Variants in ATP5F1C observed in about 807,000 individuals in gnomAD.
The protein encoded by ATP5F1C is ATP synthase F(1) complex subunit gamma, mitochondrial.
Under a neutral mutation model 37.4 loss-of-function variants are expected in ATP5F1C, and 22 were observed. The observed-to-expected ratio is 0.59, with a 90% confidence interval of 0.42 to 0.84. ATP5F1C has a LOEUF of 0.84. ATP5F1C is among the 40% of genes least tolerant of loss of function. The probability of loss-of-function intolerance (pLI) is 0.00; values close to 1 mark genes in which losing one functional copy is unlikely to be tolerated. For missense variants in ATP5F1C, 286 were observed against 362.4 expected, an observed-to-expected ratio of 0.79 and a Z score of 1.71; for synonymous variants, 121 against 128.0, an observed-to-expected ratio of 0.95 and a Z score of 0.37.
chr10:7,791,954 T>C (rs1469475804), intron 1 of ATP5F1C, among the ~76,000 whole-genome samples: 1 of 152,230 alleles, frequency 6.6e-6, no homozygotes. Context: ...TGTCCAAATA[T>C]GGTATTCAAT....
At chr10:7,806,901 T>A in intron 8 of ATP5F1C, 73 bp from the exon 9 acceptor site, 1 of 1,320,580 alleles carries the variant, frequency 7.6e-7, no homozygotes, top group Non-Finnish European at 1.1e-6. Context: ...AAAGCATATG[T>A]GATTAACTAG....
intron 1 of ATP5F1C, among the ~76,000 whole-genome samples, chr10:7,789,268 G>A (rs1314595859): frequency 6.6e-6 from 1 of 152,136 alleles, no homozygotes; most frequent in African/African-American, 2.4e-5. Flanking sequence ...AGGCGCTACA[G>A]TGCTAAACTA....
chr10:7,796,929 TTA>T (rs1836250569), intron 2 of ATP5F1C, 116 bp from the exon 3 acceptor site: 1 of 1,154,578 alleles, frequency 8.7e-7, no homozygotes, highest in East Asian at 2.5e-5. Flanking sequence ...ATCGTGCTGT[TTA>T]TTGTTTATCT....
intron 1 of ATP5F1C, among the ~76,000 whole-genome samples, chr10:7,795,756 G>T (rs1836227297): frequency 6.6e-6 from 1 of 152,154 alleles, no homozygotes; most frequent in Admixed American, 6.5e-5. Flanking sequence ...TTTTAGAGTG[G>T]CTGGCCTTGA....
Position 7,799,760 on chromosome 10 carries a change from C to G in ATP5F1C, c.429-12C>G. The G allele has an allele frequency of 6.2e-7, 1 of 1,610,604 alleles. No homozygotes were observed. Among genetic ancestry groups the G allele is most frequent in the African/African-American group, 1.3e-5 (1 of 74,668 alleles). On this transcript the variant is annotated splice_polypyrimidine_tract_variant and intron_variant, in intron 4 of 9. Transcript: ENST00000356708. ...ATTAAACTAGCTATGTGAGCTCTTG[C>G]TTTTCTTATAGGACTCATTCTGACC...
chr10:7,789,358 G>A (rs1836117918), intron 1 of ATP5F1C, among the ~76,000 whole-genome samples: 1 of 152,204 alleles, frequency 6.6e-6, no homozygotes, highest in African/African-American at 2.4e-5. Flanking sequence ...GCAAATAACT[G>A]ATAGTAATAT....
chr10:7,801,103 A>G (rs1451709900), intron 6 of ATP5F1C, among the ~76,000 whole-genome samples: 1 of 152,224 alleles, frequency 6.6e-6, no homozygotes, highest in Non-Finnish European at 1.5e-5. Context: ...GTCATCATTG[A>G]TCATTGAAGC....
chr10:7,791,207 G>A (rs1032316847), intron 1 of ATP5F1C, among the ~76,000 whole-genome samples: 4 of 152,108 alleles, frequency 2.6e-5, no homozygotes, highest in African/African-American at 7.2e-5. Flanking sequence ...GGCTGAGGCA[G>A]GAGAATTGCT....
At chr10:7,800,474 C>T (rs938203654) in intron 6 of ATP5F1C, among the ~76,000 whole-genome samples, 8 of 151,302 alleles carry the variant, frequency 5.3e-5, no homozygotes, top group African/African-American at 1.9e-4. Flanking sequence ...GGATTACAGG[C>T]ATGAGCCCAG....
At chr10:7,801,830 G>C (rs1277444015) in intron 6 of ATP5F1C, among the ~76,000 whole-genome samples, 2 of 152,192 alleles carry the variant, frequency 1.3e-5, no homozygotes, top group African/African-American at 4.8e-5. Context: ...AGATTTTGGA[G>C]CACTTCAGAT....
chr10:7,791,431 G>A (rs571245346), intron 1 of ATP5F1C, among the ~76,000 whole-genome samples: 16 of 152,266 alleles, frequency 1.1e-4, no homozygotes, highest in South Asian at 4.1e-4. Flanking sequence ...CATAATTTTC[G>A]TTGAGAATTA....
Position 7,807,715 on chromosome 10 carries a change from C to G in ATP5F1C, c.*87C>G, listed in dbSNP as rs372668000. The G allele has an allele frequency of 8.9e-5, 141 of 1,585,436 alleles. No individual in the cohort carries two copies. In the African/African-American group the frequency reaches 1.8e-3, roughly 20 times the overall value. ...GTTTTTAGCTTACTGCTGCCTTTGT[C>G]CGAAGAAACTGTTCCTCCATTATTT... On this transcript the variant is annotated 3_prime_UTR_variant, in exon 10 of 10. Coordinates refer to ENST00000356708, the MANE Select transcript of ATP5F1C (RefSeq NM_001001973.3).
At chr10:7,797,833 A>G (rs757950205) in intron 3 of ATP5F1C, among the ~76,000 whole-genome samples, 7 of 152,228 alleles carry the variant, frequency 4.6e-5, no homozygotes, top group Non-Finnish European at 8.8e-5. Flanking sequence ...TCCTTCAGAA[A>G]TTTATGTAAT....
intron 8 of ATP5F1C, among the ~76,000 whole-genome samples, chr10:7,806,100 A>G (rs1836475519): frequency 6.6e-6 from 1 of 152,220 alleles, no homozygotes; most frequent in South Asian, 2.1e-4. Flanking sequence ...GAAATTGAGT[A>G]TTAAGTTTTT....
chr10:7,788,224 G>T lies in ATP5F1C; in HGVS notation c.17G>T (p.Gly6Val). The T allele has an allele frequency of 6.2e-7, 1 of 1,613,578 alleles. No individual in the cohort carries two copies. Among genetic ancestry groups the T allele is most frequent in the South Asian group, 1.1e-5 (1 of 91,024 alleles). Residue 6 changes from glycine to valine, a missense_variant, in exon 1 of 10, where the codon GGT (glycine) becomes GTT (valine). Physicochemically the swap from Gly to Val is moderately radical, Grantham distance 109. Coordinates refer to ENST00000356708, the MANE Select transcript of ATP5F1C (RefSeq NM_001001973.3). ...GTGGCTACCATGTTCTCTCGCGCGG[G>T]TGTCGCTGGGCTGTCGGCCTGGACC... MFSRA[G>V]VAGLSAWTLQ...
At chr10:7,804,615 G>A (rs1049622169) in intron 8 of ATP5F1C, among the ~76,000 whole-genome samples, 1 of 152,188 alleles carries the variant, frequency 6.6e-6, no homozygotes, top group Non-Finnish European at 1.5e-5. Flanking sequence ...GCAGCATCCT[G>A]TCTTCCATTT....
intron 3 of ATP5F1C, 42 bp from the exon 4 acceptor site, chr10:7,798,948 G>A (rs1836294717): frequency 3.3e-6 from 5 of 1,526,024 alleles, no homozygotes; most frequent in Non-Finnish European, 4.5e-6. Context: ...TGTATTTAGT[G>A]TATTGCATAT....
chr10:7,792,775 C>T (rs1460827722), intron 1 of ATP5F1C, among the ~76,000 whole-genome samples: 1 of 152,210 alleles, frequency 6.6e-6, no homozygotes, highest in East Asian at 1.9e-4. Flanking sequence ...ATCTGGGTTG[C>T]TTCCAACTTT....
chr10:7,798,985 T>C lies in ATP5F1C; in HGVS notation c.224-5T>C. 1 of 1,611,196 alleles carries C rather than the reference T, an allele frequency of 6.2e-7. No individual in the cohort carries two copies. Among genetic ancestry groups the C allele is most frequent in the East Asian group, 2.2e-5 (1 of 44,874 alleles). On this transcript the variant is annotated splice_polypyrimidine_tract_variant and splice_region_variant and intron_variant, in intron 3 of 9. Coordinates refer to ENST00000356708, the MANE Select transcript of ATP5F1C (RefSeq NM_001001973.3). ...AAAAAATTACTGCTTTTGTTTGTTT[T>C]TAAGCTCTGTATGAAAAAGCTGATA... is the stretch of plus-strand genomic sequence containing the variant.
Sources: gnomAD v4.1 joint callset for allele counts (sites outside exome capture counted in the v4.1 genomes callset) on GRCh38, gnomAD v4.1.1 for gene constraint, MANE v1.5 for transcripts, NCBI Gene and HGNC (gene_info 2026-07-23, HGNC 2026-07-21) for gene names.